Variants in KLF9 observed in about 807,000 individuals in gnomAD.
KLF9 encodes KLF transcription factor 9.
In KLF9, 2 loss-of-function variants were observed where a neutral mutation model predicts 17.3. The ratio of observed to expected loss-of-function variants is 0.12; its 90% CI spans 0.05 to 0.36. The LOEUF is 0.36. Ranked by LOEUF, KLF9 falls within the 10% of genes least tolerant of loss-of-function variation. The pLI, the probability that KLF9 is intolerant of heterozygous loss-of-function variation, is 1.00. For synonymous variants in KLF9, 138 were observed against 139.2 expected, an observed-to-expected ratio of 0.99 and a Z score of 0.06; for missense variants, 226 against 333.2, an observed-to-expected ratio of 0.68 and a Z score of 2.51.
chr9:70,402,814 T>G (rs1234038008), intron 1 of KLF9, among the ~76,000 whole-genome samples: 1 of 152,160 alleles, frequency 6.6e-6, no homozygotes, highest in Non-Finnish European at 1.5e-5. Flanking sequence ...TGCCTCTCAT[T>G]TTGTCAAACT....
In KLF9 at chr9:70,391,351, T is replaced by C. The variant is rs568167874; in HGVS notation, c.506-3346A>G. Among the ~76,000 whole-genome samples the C allele has an allele frequency of 4.8e-4, 73 of 152,352 alleles. No individual in the cohort carries two copies. In the South Asian group the frequency reaches 0.015, roughly 32 times the overall value. On this transcript the variant is annotated intron_variant, in intron 1 of 1. Coordinates refer to ENST00000377126, the MANE Select transcript of KLF9 (RefSeq NM_001206.4). ...CAGGGTTTGTTCCCACTGAATTCAC[T>C]TTCGACCTAGCTGACAGTGATACTC... is the stretch of plus-strand genomic sequence containing the variant.
intron 1 of KLF9, among the ~76,000 whole-genome samples, chr9:70,403,615 G>A (rs2037239074): frequency 6.6e-6 from 1 of 152,148 alleles, no homozygotes. Flanking sequence ...GAAACTGAGT[G>A]CCTGTATCCA....
In KLF9 at chr9:70,413,039, G is replaced by A. The variant is rs770254974; in HGVS notation, c.325C>T (p.His109Tyr). 7 of 1,614,020 alleles carry A rather than the reference G, an allele frequency of 4.3e-6. No homozygotes were observed. The East Asian group carries it at 1.6e-4, about 36-fold the overall frequency. ...VTTESGSSPS[H>Y]SPEERQDPGS... ...GGATCCTGTCTCTCCTCCGGGCTGT[G>A]GGAAGGACTCGACCCAGATTCGGTG... Residue 109 changes from histidine to tyrosine, a missense_variant, in exon 1 of 2, where the codon CAC becomes TAC. Coordinates refer to ENST00000377126, the MANE Select transcript of KLF9 (RefSeq NM_001206.4). The surrounding 1 kb of genome is among the most constrained non-coding windows in gnomAD (Gnocchi z 5.6).
intron 1 of KLF9, among the ~76,000 whole-genome samples, chr9:70,398,350 A>G (rs964034089): frequency 6.6e-6 from 1 of 152,224 alleles, no homozygotes; most frequent in African/African-American, 2.4e-5. Flanking sequence ...ATCTGTATGC[A>G]GCACTTCCTC....
In KLF9 at chr9:70,399,475, A is replaced by C. The variant is rs142646514; in HGVS notation, c.506-11470T>G. On this transcript the variant is annotated intron_variant, in intron 1 of 1. Coordinates refer to ENST00000377126, the MANE Select transcript of KLF9 (RefSeq NM_001206.4). ...AAACATAGATAATAAATATCTACCTAGGCATTAAATATTGAACAAGATATA... is the reference window on the plus strand; with the variant it reads ...AAACATAGATAATAAATATCTACCTCGGCATTAAATATTGAACAAGATATA... Among the ~76,000 whole-genome samples, 1,112 of 152,358 alleles carry C rather than the reference A, an allele frequency of 7.3e-3. 15 individuals are homozygous for C. The highest frequency in any genetic ancestry group is 0.025 in the African/African-American group (1,053 of 41,572).
intron 1 of KLF9, among the ~76,000 whole-genome samples, chr9:70,403,019 G>T (rs1189462006): frequency 6.6e-6 from 1 of 152,096 alleles, no homozygotes; most frequent in Non-Finnish European, 1.5e-5. Flanking sequence ...GCATGGTGGG[G>T]TGTGGCTGTA....
chr9:70,405,290 T>C (rs979399955), intron 1 of KLF9, among the ~76,000 whole-genome samples: 18 of 152,278 alleles, frequency 1.2e-4, no homozygotes, highest in African/African-American at 3.8e-4. Context: ...CTTGGAAAAA[T>C]GTTCAAACTT....
chr9:70,409,156 A>G (rs1379865680), intron 1 of KLF9, among the ~76,000 whole-genome samples: 2 of 60,108 alleles, frequency 3.3e-5, no homozygotes, highest in Non-Finnish European at 9.2e-5. Flanking sequence ...ATATGTATAT[A>G]TATACACATA....
intron 1 of KLF9, among the ~76,000 whole-genome samples, chr9:70,404,218 A>T (rs148577223): frequency 3.3e-4 from 51 of 152,322 alleles, no homozygotes; most frequent in African/African-American, 1.2e-3. Context: ...AATTGTCATT[A>T]TTATCACTAT....
In KLF9 at chr9:70,413,255, G is replaced by C; in HGVS notation, c.109C>G (p.Arg37Gly). ...HGVAPDAERL[R>G]LPEREVTKEH... is the part of the protein sequence containing the mutation. ...TTGGTCACCTCGCGCTCAGGTAGTC[G>C]CAGCCGCTCGGCGTCCGGAGCGACC... The change falls in exon 1 of 2, where the codon CGA becomes GGA. Residue 37 changes from arginine (R) to glycine (G), a missense_variant. Coordinates refer to ENST00000377126, the MANE Select transcript of KLF9 (RefSeq NM_001206.4). The surrounding 1 kb of genome is among the most constrained non-coding windows in gnomAD (Gnocchi z 5.6). 1.2e-6 allele frequency: 2 copies of C among 1,613,594 alleles called. No individual in the cohort carries two copies. Among genetic ancestry groups the C allele is most frequent in the Non-Finnish European group, 1.7e-6 (2 of 1,179,962 alleles).
chr9:70,413,451 G>C lies in KLF9; in HGVS notation c.-88C>G. 3.2e-6 allele frequency: 4 copies of C among 1,263,254 alleles called. No homozygotes were observed. The highest frequency in any genetic ancestry group is 4.0e-6 in the Non-Finnish European group (4 of 1,002,048). The allele number at this position is 1,263,254 out of a possible 1,614,324, so 78.3% of individuals were successfully genotyped here. A position where few individuals can be genotyped will look rare whatever the true frequency, so the allele number is the denominator to read the frequency against. ...TCGCCCTGCCCTGGCCTCGGACGACGAGCGCGGCGCGGCGCGGCACGGCGC... is the reference window on the plus strand; with the variant it reads ...TCGCCCTGCCCTGGCCTCGGACGACCAGCGCGGCGCGGCGCGGCACGGCGC... On this transcript the variant is annotated 5_prime_UTR_variant, in exon 1 of 2. Coordinates refer to ENST00000377126, the MANE Select transcript of KLF9 (RefSeq NM_001206.4). The surrounding 1 kb of genome is among the most constrained non-coding windows in gnomAD (Gnocchi z 5.6).
chr9:70,404,764 C>T (rs865941819), intron 1 of KLF9, among the ~76,000 whole-genome samples: 1 of 152,206 alleles, frequency 6.6e-6, no homozygotes. Flanking sequence ...ATTTAAACAC[C>T]TCATCTGAAT....
intron 1 of KLF9, among the ~76,000 whole-genome samples, chr9:70,388,330 T>A (rs1220888254): frequency 6.6e-6 from 1 of 152,130 alleles, no homozygotes; most frequent in Admixed American, 6.6e-5. Context: ...AAGACAGGGA[T>A]GAAGCCACCA....
intron 1 of KLF9, among the ~76,000 whole-genome samples, chr9:70,395,612 A>G (rs1440792664): frequency 6.6e-6 from 1 of 152,228 alleles, no homozygotes; most frequent in Non-Finnish European, 1.5e-5. Flanking sequence ...GCCCAACTTA[A>G]TAAAAGTGGG....
chr9:70,391,863 A>G (rs560098791), intron 1 of KLF9, among the ~76,000 whole-genome samples: 50 of 152,394 alleles, frequency 3.3e-4, no homozygotes, highest in Admixed American at 1.4e-3. Flanking sequence ...GTCTGCATAT[A>G]GTTTTATTGG....
chr9:70,387,915 C>A lies in KLF9; in HGVS notation c.596G>T (p.Gly199Val). The part of the protein sequence containing the change: ...ELTRHYRTHT[G>V]EKQFRCPLCE... ...CAGCGGACAGCGGAACTGCTTTTCC[C>A]CAGTGTGGGTCCGGTAGTGGCGGGT... is the stretch of plus-strand genomic sequence containing the variant. Residue 199 changes from glycine (G) to valine (V), a missense_variant, in exon 2 of 2, where the codon GGG becomes GTG. By Grantham distance (109) the Gly-to-Val change is moderately radical. Transcript: ENST00000377126. 6.2e-7 allele frequency: 1 copy of A among 1,614,136 alleles called. No individual in the cohort carries two copies. Among genetic ancestry groups the A allele is most frequent in the Non-Finnish European group, 8.5e-7 (1 of 1,180,040 alleles).
rs201410119 is a variant in KLF9 at position 70,413,055 on chromosome 9, A to T, written c.309T>A (p.Ser103=). The T allele has an allele frequency of 2.5e-6, 4 of 1,614,116 alleles. No individual in the cohort carries two copies. The highest frequency in any genetic ancestry group is 3.4e-6 in the Non-Finnish European group (4 of 1,179,986). Residue 103 remains serine, a synonymous_variant, in exon 1 of 2, where the codon TCT becomes TCA. Transcript: ENST00000377126. The surrounding 1 kb of genome is among the most constrained non-coding windows in gnomAD (Gnocchi z 5.6). ...CCGGGCTGTGGGAAGGACTCGACCCAGATTCGGTGGTCACGTCGCTGTCGG... is the reference window on the plus strand; with the variant it reads ...CCGGGCTGTGGGAAGGACTCGACCCTGATTCGGTGGTCACGTCGCTGTCGG... ...MGSDSDVTTE[S]GSSPSHSPEE...
intron 1 of KLF9, among the ~76,000 whole-genome samples, chr9:70,409,464 A>T (rs554924264): frequency 1.3e-5 from 2 of 151,782 alleles, no homozygotes; most frequent in African/African-American, 2.4e-5. Context: ...GCCTGTTCTG[A>T]TGACTTCCGA....
chr9:70,413,064 G>A lies in KLF9; in HGVS notation c.300C>T (p.Thr100=). 6.2e-7 allele frequency: 1 copy of A among 1,614,098 alleles called. No homozygotes were observed. The change falls in exon 1 of 2, where the codon ACC becomes ACT. Residue 100 remains threonine (T), a synonymous_variant. Coordinates refer to ENST00000377126, the MANE Select transcript of KLF9 (RefSeq NM_001206.4). The surrounding 1 kb of genome is among the most constrained non-coding windows in gnomAD (Gnocchi z 5.6). ...DEDMGSDSDV[T]TESGSSPSHS... ...GGGAAGGACTCGACCCAGATTCGGT[G>A]GTCACGTCGCTGTCGGATCCCATAT...
Sources: allele counts gnomAD v4.1 joint callset (sites outside exome capture counted in the v4.1 genomes callset), GRCh38; gene constraint gnomAD v4.1.1; non-coding constraint Gnocchi (gnomAD v3.1); transcripts MANE v1.5; gene names NCBI Gene and HGNC (gene_info 2026-07-23, HGNC 2026-07-21).